ARID1B: variants seen among roughly 807,000 people sequenced by gnomAD.
ARID1B encodes the protein AT-rich interaction domain 1B.
Under a neutral mutation model 212.3 loss-of-function variants are expected in ARID1B, and 30 were observed. The observed-to-expected ratio is 0.14, with a 90% confidence interval of 0.11 to 0.19. The LOEUF (loss-of-function observed/expected upper bound fraction) is 0.19, where lower values mean the gene tolerates loss of function less well. Ranked by LOEUF, ARID1B falls within the 10% of genes least tolerant of loss-of-function variation. The probability of loss-of-function intolerance (pLI) is 1.00; values close to 1 mark genes in which losing one functional copy is unlikely to be tolerated. For missense variants in ARID1B, 2,891 were observed against 3,204.0 expected (o/e 0.90, Z 2.36); for synonymous variants, 1,402 against 1,301.7 (o/e 1.08, Z -1.66).
intron 1 of ARID1B, among the ~76,000 whole-genome samples, chr6:156,800,445 C>T (rs1278630744): frequency 6.6e-6 from 1 of 152,000 alleles, no homozygotes; most frequent in Non-Finnish European, 1.5e-5. Context: ...AAAAATTAGC[C>T]AGGCTTGGTG....
intron 1 of ARID1B, among the ~76,000 whole-genome samples, chr6:156,790,944 T>C (rs1376028138): frequency 6.6e-6 from 1 of 152,252 alleles, no homozygotes; most frequent in African/African-American, 2.4e-5. Flanking sequence ...TCTTTTATTA[T>C]GCATTAAGTT....
intron 1 of ARID1B, among the ~76,000 whole-genome samples, chr6:156,795,701 C>T (rs1295080588): frequency 6.6e-6 from 1 of 152,148 alleles, no homozygotes; most frequent in African/African-American, 2.4e-5. Flanking sequence ...CCTCCCTCCC[C>T]AGGCTGCCCA....
chr6:157,146,057 G>A (rs1390309379), intron 7 of ARID1B, among the ~76,000 whole-genome samples: 1 of 152,124 alleles, frequency 6.6e-6, no homozygotes, highest in Non-Finnish European at 1.5e-5. Context: ...ACAAGGCCCT[G>A]CCAGACCCAG....
chr6:157,111,882 T>TA (rs948835492), intron 6 of ARID1B, among the ~76,000 whole-genome samples: 4 of 152,202 alleles, frequency 2.6e-5, no homozygotes, highest in African/African-American at 9.6e-5. Flanking sequence ...GAGGACTTGT[T>TA]AAAAGAGATT....
chr6:157,086,716 A>G (rs2128467102), intron 5 of ARID1B, among the ~76,000 whole-genome samples: 1 of 152,368 alleles, frequency 6.6e-6, no homozygotes, highest in Admixed American at 6.5e-5. Flanking sequence ...AAAACCCAAC[A>G]GAAAAGCTCA....
chr6:156,999,396 A>G (rs915065605), intron 4 of ARID1B, among the ~76,000 whole-genome samples: 3 of 152,224 alleles, frequency 2.0e-5, no homozygotes, highest in Non-Finnish European at 1.5e-5. Context: ...CTCTGTAACA[A>G]TGGCTCTTCA....
At chr6:157,109,181 A>C (rs1018785798) in intron 5 of ARID1B, among the ~76,000 whole-genome samples, 2 of 152,110 alleles carry the variant, frequency 1.3e-5, no homozygotes, top group East Asian at 3.8e-4. Context: ...TTGTAGAACC[A>C]CAAGAGGGTT....
chr6:157,027,191 T>C (rs1291422533), intron 4 of ARID1B, among the ~76,000 whole-genome samples: 3 of 152,198 alleles, frequency 2.0e-5, no homozygotes. Context: ...GTTTACCTAA[T>C]TAAATAGATT....
chr6:157,094,357 T>C lies in ARID1B; in HGVS notation c.2491+9452T>C, dbSNP rs1402985038. ...TTATGATTATGATTTAGGAGGTTTTTTTATTACTTCTTTTTGAGAAGGAGT... is the reference window on the plus strand; with the variant it reads ...TTATGATTATGATTTAGGAGGTTTTCTTATTACTTCTTTTTGAGAAGGAGT... On this transcript the variant is annotated intron_variant, in intron 5 of 19. Transcript: ENST00000636930. This position sits in a 1 kb window ranked among gnomAD's most constrained non-coding sequence, Gnocchi z 4.3. Among the ~76,000 whole-genome samples, 2 of 152,050 alleles carry C rather than the reference T, an allele frequency of 1.3e-5. No individual in the cohort carries two copies. The highest frequency in any genetic ancestry group is 4.8e-5 in the African/African-American group (2 of 41,386).
intron 1 of ARID1B, among the ~76,000 whole-genome samples, chr6:156,792,769 C>T (rs943211984): frequency 9.9e-5 from 15 of 152,178 alleles, no homozygotes; most frequent in African/African-American, 1.9e-4. Context: ...TATGAAATAT[C>T]GTGGGTCAGA....
Position 156,818,942 on chromosome 6 carries a change from T to TA in ARID1B, c.1792-10272dup, listed in dbSNP as rs368029736. Among the ~76,000 whole-genome samples the TA allele has an allele frequency of 9.9e-4, 145 of 146,502 alleles. 1 individual carries two copies. Among genetic ancestry groups the TA allele is most frequent in the East Asian group, 2.2e-3 (11 of 5,048 alleles). ...ATGATGATAATAAAATCTATCCTTT[T>TA]AAAAAAAAAAAAACCTGTTATGTAC... On this transcript the variant is annotated intron_variant, in intron 1 of 19. Transcript: ENST00000636930.
At chr6:157,026,847 GGGAGCAGAGT>G (rs1377171702) in intron 4 of ARID1B, among the ~76,000 whole-genome samples, 3 of 152,128 alleles carry the variant, frequency 2.0e-5, no homozygotes, top group Non-Finnish European at 2.9e-5. Context: ...AGAGGTGAAG[GGGAGCAGAGT>G]GGAATAGTGG....
At chr6:156,846,501 C>G (rs1377391989) in intron 2 of ARID1B, among the ~76,000 whole-genome samples, 2 of 152,072 alleles carry the variant, frequency 1.3e-5, no homozygotes, top group Admixed American at 6.6e-5. Flanking sequence ...CCTTCGCTTT[C>G]TGCACATCTG....
intron 7 of ARID1B, among the ~76,000 whole-genome samples, chr6:157,138,354 G>T (rs1192365532): frequency 6.6e-6 from 1 of 152,094 alleles, no homozygotes; most frequent in East Asian, 1.9e-4. Context: ...TCCCACCTCA[G>T]CCTCTCTAGT....
chr6:156,948,495 C>T (rs938466877), intron 4 of ARID1B, among the ~76,000 whole-genome samples: 4 of 152,212 alleles, frequency 2.6e-5, no homozygotes, highest in Non-Finnish European at 4.4e-5. Flanking sequence ...CCACCTCTGC[C>T]GCCCGCCCAA....
At chr6:157,142,069 G>A (rs940779739) in intron 7 of ARID1B, among the ~76,000 whole-genome samples, 1 of 152,146 alleles carries the variant, frequency 6.6e-6, no homozygotes, top group African/African-American at 2.4e-5. Flanking sequence ...TGCATGCAAC[G>A]GTGTGGATGG....
At chr6:157,185,073 C>T (rs1792880377) in intron 13 of ARID1B, 1 of 152,642 alleles carries the variant, frequency 6.6e-6, no homozygotes, top group Admixed American at 6.5e-5. Flanking sequence ...CCAACACGCT[C>T]GCAGGCCGAG....
intron 4 of ARID1B, chr6:156,941,700 G>A (rs192409640): frequency 4.6e-4 from 70 of 152,298 alleles, no homozygotes; most frequent in African/African-American, 1.4e-3. Context: ...AAGCAGGAAG[G>A]TATGTCTGTC....
chr6:156,982,040 G>A (rs76771077), intron 4 of ARID1B, among the ~76,000 whole-genome samples: 2 of 134,276 alleles, frequency 1.5e-5, no homozygotes, highest in Non-Finnish European at 3.2e-5. Flanking sequence ...TTTTTTTTTT[G>A]TGACTCTTCT....
Sources: gnomAD v4.1 joint callset for allele counts (sites outside exome capture counted in the v4.1 genomes callset) on GRCh38, gnomAD v4.1.1 for gene constraint, Gnocchi (gnomAD v3.1) non-coding constraint, MANE v1.5 for transcripts, NCBI Gene and HGNC (gene_info 2026-07-23, HGNC 2026-07-21) for gene names.